FLNB: variants seen among roughly 807,000 people sequenced by gnomAD.
FLNB encodes filamin B.
FLNB carries 111 observed loss-of-function variants against 250.6 expected under a neutral mutation model. The observed-to-expected ratio is 0.44, with a 90% CI of 0.38 to 0.52. FLNB has a LOEUF of 0.52. Among genes scored for constraint, FLNB ranks in the 20% least tolerant of loss-of-function variants. The pLI is 0.00. For synonymous variants in FLNB, 1,302 were observed against 1,372.1 expected (o/e 0.95, Z 1.13); for missense variants, 2,869 against 3,447.8 (o/e 0.83, Z 4.20).
intron 12 of FLNB, among the ~76,000 whole-genome samples, chr3:58,107,913 G>A (rs187092739): frequency 3.3e-5 from 5 of 152,334 alleles, no homozygotes; most frequent in Non-Finnish European, 5.9e-5. Flanking sequence ...AAGTGGGAAC[G>A]TTGAAACTGG....
chr3:58,012,369 G>A (rs2097100263), intron 1 of FLNB, among the ~76,000 whole-genome samples: 1 of 152,192 alleles, frequency 6.6e-6, no homozygotes, highest in Non-Finnish European at 1.5e-5. Flanking sequence ...GGAAACAGGA[G>A]TGAAGCCACT....
intron 1 of FLNB, among the ~76,000 whole-genome samples, chr3:58,070,055 T>C (rs1259226171): frequency 2.0e-5 from 3 of 150,136 alleles, no homozygotes; most frequent in African/African-American, 7.4e-5. Context: ...CTTTCTTTTT[T>C]TTTTTTTTTT....
At position 58,125,736 on chromosome 3, in the gene FLNB, G is replaced by C. The variant is rs955371617; in HGVS notation, c.4054G>C (p.Val1352Leu). Reference protein sequence around the residue: ...FTNKPNVFTVVTRGAGIGGLG... With the variant: ...FTNKPNVFTVLTRGAGIGGLG... Reference sequence around the variant, plus strand: ...CAACAAGCCCAATGTCTTCACCGTGGTTACCAGGTAGGCAAGGCCCTACAT... The same window carrying C: ...CAACAAGCCCAATGTCTTCACCGTGCTTACCAGGTAGGCAAGGCCCTACAT... Residue 1352 changes from valine (V) to leucine (L), a missense_variant, in exon 23 of 46, where the codon GTT becomes CTT. Val to Leu is a conservative substitution (Grantham distance 32). This residue lies in a region of FLNB where 1,348 missense variants were observed against 1,466.7 expected (regional missense o/e 0.92). Transcript: ENST00000295956. The C allele has an allele frequency of 6.2e-7, 1 of 1,614,130 alleles. No individual in the cohort carries two copies. The highest frequency in any genetic ancestry group is 1.7e-5 in the Admixed American group (1 of 60,022).
intron 41 of FLNB, 143 bp from the exon 42 acceptor site, chr3:58,159,411 C>T: frequency 1.3e-6 from 1 of 797,956 alleles, no homozygotes; most frequent in Non-Finnish European, 2.2e-6. Context: ...TGCAGAATGG[C>T]TCACCTGCCC....
intron 32 of FLNB, 60 bp from the exon 33 acceptor site, chr3:58,145,861 C>T: frequency 6.2e-7 from 1 of 1,611,448 alleles, no homozygotes; most frequent in Non-Finnish European, 8.5e-7. Context: ...GCCAGTTGTC[C>T]AGGGTCTTCG....
chr3:58,025,495 C>A (rs1196488222), intron 1 of FLNB, among the ~76,000 whole-genome samples: 2 of 152,128 alleles, frequency 1.3e-5, no homozygotes, highest in African/African-American at 4.8e-5. Context: ...GAAAGATGCT[C>A]TCCCAGCAGC....
chr3:58,035,377 G>A (rs1158993047), intron 1 of FLNB, among the ~76,000 whole-genome samples: 3 of 152,192 alleles, frequency 2.0e-5, no homozygotes, highest in Non-Finnish European at 4.4e-5. Flanking sequence ...TTTAAGTGGT[G>A]TAATTTCCAT....
chr3:58,130,218 G>A (rs529773835), intron 24 of FLNB, among the ~76,000 whole-genome samples: 16 of 152,220 alleles, frequency 1.1e-4, no homozygotes, highest in East Asian at 7.7e-4. Flanking sequence ...ATCTCTCTCC[G>A]TTCTGTTGTT....
chr3:58,045,495 A>G (rs1048643580), intron 1 of FLNB, among the ~76,000 whole-genome samples: 6 of 152,190 alleles, frequency 3.9e-5, no homozygotes, highest in Admixed American at 2.6e-4. Context: ...CTCATCAGCT[A>G]TCATTAGTGT....
chr3:58,030,596 G>A (rs145120944), intron 1 of FLNB, among the ~76,000 whole-genome samples: 106 of 152,236 alleles, frequency 7.0e-4, no homozygotes, highest in Non-Finnish European at 1.3e-3. Context: ...AGGAGGGGCC[G>A]GGCACGGTGG....
At chr3:58,130,672 A>G in intron 24 of FLNB, 69 bp from the exon 25 acceptor site, 1 of 1,533,790 alleles carries the variant, frequency 6.5e-7, no homozygotes, top group Non-Finnish European at 8.9e-7. Flanking sequence ...CAGCAGTGCT[A>G]TTCTGGGTGT....
chr3:58,170,803 T>A lies in FLNB; in HGVS notation c.*41T>A. 6.3e-7 allele frequency: 1 copy of A among 1,577,584 alleles called. No individual in the cohort carries two copies. Among genetic ancestry groups the A allele is most frequent in the East Asian group, 2.3e-5 (1 of 44,376 alleles). Reference sequence around the variant, plus strand: ...TCCTGGAGAGAGTTCTTGTGGTTGCTTTTGTTGCTTGTTTGTAATTCATTT... The same window carrying A: ...TCCTGGAGAGAGTTCTTGTGGTTGCATTTGTTGCTTGTTTGTAATTCATTT... On this transcript the variant is annotated 3_prime_UTR_variant, in exon 46 of 46. Coordinates refer to ENST00000295956, the MANE Select transcript of FLNB (RefSeq NM_001457.4).
intron 29 of FLNB, among the ~76,000 whole-genome samples, chr3:58,139,952 C>A (rs2097323783): frequency 6.6e-6 from 1 of 152,166 alleles, no homozygotes; most frequent in South Asian, 2.1e-4. Flanking sequence ...GGCTTCCAAA[C>A]TCAGTAATAA....
intron 1 of FLNB, among the ~76,000 whole-genome samples, chr3:58,073,072 C>T (rs2097196964): frequency 6.6e-6 from 1 of 152,162 alleles, no homozygotes; most frequent in Non-Finnish European, 1.5e-5. Flanking sequence ...TTCATAGCTC[C>T]ATCCAATCCC....
intron 1 of FLNB, among the ~76,000 whole-genome samples, chr3:58,042,013 G>T (rs1022404993): frequency 2.0e-5 from 3 of 152,184 alleles, no homozygotes; most frequent in African/African-American, 7.2e-5. Flanking sequence ...TCTTTCTGTG[G>T]TCAGTTTGGT....
rs768685051 is a variant in FLNB, at chr3:58,138,477, T to G, written c.5057T>G (p.Ile1686Ser). The G allele has an allele frequency of 6.2e-7, 1 of 1,613,996 alleles. No homozygotes were observed. The highest frequency in any genetic ancestry group is 8.5e-7 in the Non-Finnish European group (1 of 1,179,826). ...YTAAKPGTYV[I>S]YVRFGGVDIP... The stretch of plus-strand genomic sequence containing the variant: ...GCTGCCAAGCCGGGCACATATGTGA[T>G]CTATGTGCGCTTCGGTGGTGTTGAT... The change falls in exon 29 of 46, where the codon ATC (isoleucine) becomes AGC (serine). Residue 1686 changes from isoleucine to serine, a missense_variant. Transcript: ENST00000295956.
intron 42 of FLNB, among the ~76,000 whole-genome samples, chr3:58,162,321 A>C (rs550072267): frequency 3.7e-4 from 57 of 152,214 alleles, no homozygotes; most frequent in African/African-American, 1.3e-3. Flanking sequence ...GGCTTCAAGG[A>C]GGAAGCGGCA....
chr3:58,108,378 C>T (rs1223240693), intron 12 of FLNB, 80 bp from the exon 13 acceptor site: 3 of 895,682 alleles, frequency 3.3e-6, no homozygotes, highest in Admixed American at 1.9e-5. Context: ...TCTTCCCCCA[C>T]CCCCTGGTTA....
intron 9 of FLNB, 36 bp from the exon 10 acceptor site, chr3:58,103,923 A>G (rs1413172200): frequency 1.2e-6 from 2 of 1,613,326 alleles, no homozygotes; most frequent in Admixed American, 3.3e-5. Flanking sequence ...TGGGCCTAGG[A>G]TTGTGTTGGA....
Sources: gnomAD v4.1 joint callset for allele counts (sites outside exome capture counted in the v4.1 genomes callset) on GRCh38, gnomAD v4.1.1 for gene constraint, gnomAD v4.1.1 regional missense constraint, MANE v1.5 for transcripts, NCBI Gene and HGNC (gene_info 2026-07-23, HGNC 2026-07-21) for gene names.